Variants in CPXM2 observed in about 807,000 individuals in gnomAD.
CPXM2 encodes the protein inactive carboxypeptidase-like protein X2.
In CPXM2, 66 loss-of-function variants were observed where a neutral mutation model predicts 86.1. The ratio of observed to expected loss-of-function variants is 0.77; its 90% CI spans 0.63 to 0.94. The LOEUF is 0.94. Among genes scored for constraint, CPXM2 ranks in the 40% least tolerant of loss-of-function variants. The probability of loss-of-function intolerance (pLI) is 0.00; values close to 1 mark genes in which losing one functional copy is unlikely to be tolerated. For synonymous variants in CPXM2, 388 were observed against 400.2 expected (o/e 0.97, Z 0.36); for missense variants, 948 against 1,026.3 (o/e 0.92, Z 1.04).
At chr10:123,849,108 A>C (rs1848550611) in intron 3 of CPXM2, among the ~76,000 whole-genome samples, 1 of 152,240 alleles carries the variant, frequency 6.6e-6, no homozygotes. Flanking sequence ...TGTCTGAATG[A>C]ATCATCCGTG....
intron 7 of CPXM2, among the ~76,000 whole-genome samples, chr10:123,778,272 A>G (rs972981578): frequency 2.0e-5 from 3 of 152,196 alleles, no homozygotes; most frequent in Non-Finnish European, 2.9e-5. Context: ...CCTGAGGGAG[A>G]AAGATTTCTA....
intron 7 of CPXM2, among the ~76,000 whole-genome samples, chr10:123,773,393 T>G (rs1413092581): frequency 2.0e-5 from 3 of 152,230 alleles, no homozygotes; most frequent in Non-Finnish European, 4.4e-5. Context: ...TCCTTTGTTG[T>G]GGATCTCACT....
intron 6 of CPXM2, among the ~76,000 whole-genome samples, chr10:123,782,274 G>A (rs114625557): frequency 0.028 from 4,190 of 152,228 alleles, 174 homozygotes; most frequent in African/African-American, 0.094. Flanking sequence ...TAACTTACTC[G>A]CAGGCTATTT....
intron 4 of CPXM2, among the ~76,000 whole-genome samples, chr10:123,807,559 T>C (rs1260109518): frequency 3.9e-5 from 6 of 152,282 alleles, no homozygotes; most frequent in African/African-American, 1.2e-4. Flanking sequence ...AGGTTGATGA[T>C]GAAGACAAGG....
chr10:123,910,087 C>T (rs1945475781), intron 2 of CPXM2, among the ~76,000 whole-genome samples: 1 of 152,068 alleles, frequency 6.6e-6, no homozygotes, highest in African/African-American at 2.4e-5. Context: ...GGTGGGGCCA[C>T]CACAGACCAT....
chr10:123,836,257 C>T (rs912713764), intron 4 of CPXM2, among the ~76,000 whole-genome samples: 2 of 152,146 alleles, frequency 1.3e-5, no homozygotes, highest in South Asian at 2.1e-4. Context: ...AACTCCACTG[C>T]CCTGTGGGGT....
At chr10:123,929,464 A>C (rs1050297900) in intron 2 of CPXM2, among the ~76,000 whole-genome samples, 1 of 152,218 alleles carries the variant, frequency 6.6e-6, no homozygotes, top group African/African-American at 2.4e-5. Context: ...ACAGCAACTG[A>C]ATCTGAGAAG....
intron 13 of CPXM2, among the ~76,000 whole-genome samples, chr10:123,753,008 C>T (rs1846116376): frequency 6.6e-6 from 1 of 152,052 alleles, no homozygotes; most frequent in Non-Finnish European, 1.5e-5. Flanking sequence ...AAAGTTGGGG[C>T]AGGTAAGAGG....
At chr10:123,912,111 C>T (rs1564820892) in intron 2 of CPXM2, among the ~76,000 whole-genome samples, 1 of 152,006 alleles carries the variant, frequency 6.6e-6, no homozygotes, top group Non-Finnish European at 1.5e-5. Context: ...ATCTTGCATT[C>T]CCTCTCCCCA....
chr10:123,800,612 G>A (rs1300194172), intron 4 of CPXM2, among the ~76,000 whole-genome samples: 1 of 152,088 alleles, frequency 6.6e-6, no homozygotes, highest in African/African-American at 2.4e-5. Context: ...CAACAGAGGC[G>A]GGAGCTGTAT....
chr10:123,804,215 G>C (rs777748669), intron 4 of CPXM2, among the ~76,000 whole-genome samples: 1 of 152,014 alleles, frequency 6.6e-6, no homozygotes, highest in Non-Finnish European at 1.5e-5. Context: ...GCTTTTCAAA[G>C]TTGCCTTCAC....
chr10:123,800,659 T>G (rs1259404226), intron 4 of CPXM2, among the ~76,000 whole-genome samples: 1 of 150,992 alleles, frequency 6.6e-6, no homozygotes, highest in Non-Finnish European at 1.5e-5. Flanking sequence ...AGGAAACCCC[T>G]CGGTCAAGAG....
intron 13 of CPXM2, among the ~76,000 whole-genome samples, chr10:123,747,812 C>T (rs1483009771): frequency 6.6e-6 from 1 of 151,238 alleles, no homozygotes; most frequent in Non-Finnish European, 1.5e-5. Context: ...ATCCCAGCTA[C>T]TCTGGAGGAT....
At chr10:123,919,543 T>C (rs1242279009) in intron 2 of CPXM2, among the ~76,000 whole-genome samples, 1 of 152,112 alleles carries the variant, frequency 6.6e-6, no homozygotes, top group Non-Finnish European at 1.5e-5. Context: ...TTACAAGCTC[T>C]CAGTAAAGAA....
In CPXM2 at chr10:123,869,612, T is replaced by G. The variant is rs114324244; in HGVS notation, c.404-6889A>C. 4.1e-3 allele frequency among the ~76,000 whole-genome samples: 621 copies of G among 152,310 alleles called. 6 individuals carry two copies. The highest frequency in any genetic ancestry group is 0.014 in the African/African-American group (600 of 41,568). On this transcript the variant is annotated intron_variant, in intron 2 of 13. Transcript: ENST00000241305. ...ACACCACGCTGAGCAGGGCGCCATC[T>G]CCCAGCCCCATGCTCTATTCCTCGG...
intron 3 of CPXM2, among the ~76,000 whole-genome samples, chr10:123,854,273 A>T (rs1180124094): frequency 6.8e-6 from 1 of 147,664 alleles, no homozygotes; most frequent in Non-Finnish European, 1.5e-5. Context: ...GGGGAAACTC[A>T]AGCCAGTGGT....
At chr10:123,864,230 C>T (rs998896768) in intron 2 of CPXM2, among the ~76,000 whole-genome samples, 5 of 149,942 alleles carry the variant, frequency 3.3e-5, no homozygotes, top group Admixed American at 1.3e-4. Context: ...TGAGAGATCC[C>T]GCCCACCGAG....
intron 3 of CPXM2, among the ~76,000 whole-genome samples, chr10:123,852,951 T>A (rs893123381): frequency 6.6e-6 from 1 of 152,192 alleles, no homozygotes; most frequent in African/African-American, 2.4e-5. Flanking sequence ...TTTGTTACAT[T>A]TCCTGCTGAT....
intron 4 of CPXM2, among the ~76,000 whole-genome samples, chr10:123,799,481 C>T (rs909794020): frequency 6.6e-6 from 1 of 152,186 alleles, no homozygotes; most frequent in Non-Finnish European, 1.5e-5. Context: ...CAAGGCCTAG[C>T]CCCTAGTAAT....
Sources: gnomAD v4.1 joint callset for allele counts (sites outside exome capture counted in the v4.1 genomes callset) on GRCh38, gnomAD v4.1.1 for gene constraint, MANE v1.5 for transcripts, NCBI Gene and HGNC (gene_info 2026-07-23, HGNC 2026-07-21) for gene names.